Variants in FIP1L1 observed in about 807,000 individuals in gnomAD.
FIP1L1 encodes the protein factor interacting with PAPOLA and CPSF1.
In FIP1L1, 21 loss-of-function variants were observed where a neutral mutation model predicts 84.6. That is an observed-to-expected ratio of 0.25 (90% CI 0.18 to 0.36). The LOEUF (loss-of-function observed/expected upper bound fraction) is 0.36. Ranked by LOEUF, FIP1L1 falls within the 10% of genes least tolerant of loss-of-function variation. The pLI, the probability that FIP1L1 is intolerant of heterozygous loss-of-function variation, is 1.00. For synonymous variants in FIP1L1, 263 were observed against 242.3 expected (o/e 1.09, Z -0.80); for missense variants, 526 against 751.1 (o/e 0.70, Z 3.50).
chr4:53,442,417 G>A (rs1261639312), intron 13 of FIP1L1: 4 of 422,844 alleles, frequency 9.5e-6, no homozygotes, highest in Non-Finnish European at 1.7e-5. Flanking sequence ...AAATAAGACC[G>A]GTGTCCTGAC....
In FIP1L1 at chr4:53,405,930, G is replaced by A. The variant is rs1477896831; in HGVS notation, c.815+6091G>A. Reference sequence around the variant, plus strand: ...TGGGCTGAGACAATGGGGTGTTCTAGATATACAATCACGTCATCTGCAAAC... The same window carrying A: ...TGGGCTGAGACAATGGGGTGTTCTAAATATACAATCACGTCATCTGCAAAC... On this transcript the variant is annotated intron_variant, in intron 10 of 17. Transcript: ENST00000337488. Among the ~76,000 whole-genome samples, 5 of 152,072 alleles carry A rather than the reference G, an allele frequency of 3.3e-5. No individual in the cohort carries two copies. The East Asian group carries it at 9.6e-4, about 29-fold the overall frequency.
intron 9 of FIP1L1, among the ~76,000 whole-genome samples, chr4:53,392,842 T>C (rs1177583016): frequency 1.3e-5 from 2 of 152,100 alleles, no homozygotes; most frequent in East Asian, 1.9e-4. Flanking sequence ...TGAGAGGAGG[T>C]CATAGAGTAT....
intron 10 of FIP1L1, among the ~76,000 whole-genome samples, chr4:53,406,270 G>A (rs1195468033): frequency 6.6e-6 from 1 of 151,668 alleles, no homozygotes; most frequent in Admixed American, 6.6e-5. Context: ...TGAGATAATC[G>A]TGGTTTTTGT....
Position 53,398,616 on chromosome 4 carries a change from C to T in FIP1L1, c.706-1114C>T, listed in dbSNP as rs1344918861. On this transcript the variant is annotated intron_variant, in intron 9 of 17. Transcript: ENST00000337488. ...GAATTTAAATAGAATTTAAGTAGAA[C>T]ATAAAATATGGTGTGATATTATTTA... Among the ~76,000 whole-genome samples the T allele has an allele frequency of 2.0e-5, 3 of 150,664 alleles. No individual in the cohort carries two copies. In the Admixed American group the frequency reaches 2.0e-4, roughly 10 times the overall value.
chr4:53,432,064 T>C (rs1319332091), intron 13 of FIP1L1, among the ~76,000 whole-genome samples: 1 of 152,036 alleles, frequency 6.6e-6, no homozygotes, highest in Non-Finnish European at 1.5e-5. Context: ...CAAAAGCATT[T>C]ATCGTGGTTC....
intron 5 of FIP1L1, among the ~76,000 whole-genome samples, chr4:53,386,497 C>T (rs916981026): frequency 1.3e-5 from 2 of 152,038 alleles, no homozygotes; most frequent in Non-Finnish European, 2.9e-5. Flanking sequence ...AACATAAGTG[C>T]TAGAATAGAA....
chr4:53,414,470 A>T, intron 10 of FIP1L1, 145 bp from the exon 11 acceptor site: 1 of 535,852 alleles, frequency 1.9e-6, no homozygotes, highest in East Asian at 3.0e-5. Context: ...TACCACAGCA[A>T]GTAGTTTATA....
At chr4:53,393,071 T>C (rs1270200587) in intron 9 of FIP1L1, among the ~76,000 whole-genome samples, 1 of 152,184 alleles carries the variant, frequency 6.6e-6, no homozygotes, top group Non-Finnish European at 1.5e-5. Context: ...GAGCAGGACA[T>C]TGATTTTAAA....
rs552174985 is a variant in FIP1L1, at chr4:53,402,488, G to C, written c.815+2649G>C. ...AGGCTGAGATGGGCAGATCTGTTGA[G>C]GGCAGGAGTTTGAGACCAGCCTTGC... On this transcript the variant is annotated intron_variant, in intron 10 of 17. Transcript: ENST00000337488. Among the ~76,000 whole-genome samples, 6 of 152,250 alleles carry C rather than the reference G, an allele frequency of 3.9e-5. No homozygotes were observed. In the South Asian group the frequency reaches 1.2e-3, roughly 32 times the overall value.
At chr4:53,389,351 G>A (rs1252549968) in intron 5 of FIP1L1, among the ~76,000 whole-genome samples, 1 of 152,100 alleles carries the variant, frequency 6.6e-6, no homozygotes, top group Non-Finnish European at 1.5e-5. Flanking sequence ...GAAGACAAGG[G>A]GTGTAAACTA....
At chr4:53,416,816 T>C (rs1163176394) in intron 11 of FIP1L1, among the ~76,000 whole-genome samples, 2 of 151,892 alleles carry the variant, frequency 1.3e-5, no homozygotes, top group Admixed American at 6.6e-5. Context: ...ATACAAAAAT[T>C]AGCCAGGCAT....
intron 13 of FIP1L1, among the ~76,000 whole-genome samples, chr4:53,431,577 T>C (rs1766678411): frequency 6.6e-6 from 1 of 150,684 alleles, no homozygotes; most frequent in Admixed American, 6.7e-5. Context: ...AGTAATGATA[T>C]TTTATTCTCA....
chr4:53,396,717 T>C (rs1197040702), intron 9 of FIP1L1, among the ~76,000 whole-genome samples: 9 of 152,214 alleles, frequency 5.9e-5, no homozygotes, highest in Non-Finnish European at 1.3e-4. Context: ...AATTAGAATC[T>C]TATGCTTTCT....
At chr4:53,457,143 A>T (rs1265929663) in intron 16 of FIP1L1, among the ~76,000 whole-genome samples, 1 of 152,140 alleles carries the variant, frequency 6.6e-6, no homozygotes, top group Non-Finnish European at 1.5e-5. Context: ...AAATGTTGTC[A>T]GTTCTGTAAG....
chr4:53,439,095 T>G lies in FIP1L1; in HGVS notation c.1175-3558T>G, dbSNP rs142715570. Among the ~76,000 whole-genome samples the G allele has an allele frequency of 9.4e-3, 1,432 of 152,244 alleles. 21 individuals carry two copies. Among genetic ancestry groups the G allele is most frequent in the African/African-American group, 0.033 (1,367 of 41,556 alleles). Reference sequence around the variant, plus strand: ...AAGTTAAGTAGTGTCCGTATTGTTCTAAAGAAAATTAGGTTGTAGTATATA... The same window carrying G: ...AAGTTAAGTAGTGTCCGTATTGTTCGAAAGAAAATTAGGTTGTAGTATATA... On this transcript the variant is annotated intron_variant, in intron 13 of 17. Transcript: ENST00000337488.
chr4:53,399,080 G>A (rs998737641), intron 9 of FIP1L1, among the ~76,000 whole-genome samples: 2 of 152,172 alleles, frequency 1.3e-5, no homozygotes, highest in African/African-American at 4.8e-5. Context: ...TTTAACCCAG[G>A]AGGTGGAGGC....
intron 13 of FIP1L1, among the ~76,000 whole-genome samples, chr4:53,431,281 T>C (rs1255120309): frequency 3.3e-5 from 5 of 152,190 alleles, no homozygotes; most frequent in Non-Finnish European, 2.9e-5. Context: ...AACCACATGA[T>C]TACACTATGT....
In FIP1L1 at chr4:53,460,797, T is replaced by G. The variant is rs549192942; in HGVS notation, c.*1348T>G. 8.9e-7 allele frequency: 1 copy of G among 1,124,604 alleles called. No homozygotes were observed. Among genetic ancestry groups the G allele is most frequent in the South Asian group, 1.6e-5 (1 of 64,134 alleles). 69.7% of individuals were successfully genotyped at this position (1,124,604 alleles called of 1,614,324 possible). ...TAGATGATCATACTTTTCCTGACAT[T>G]TTTACAATGTATTCTTTCTTTAAAT... On this transcript the variant is annotated 3_prime_UTR_variant, in exon 18 of 18. Coordinates refer to ENST00000337488, the MANE Select transcript of FIP1L1 (RefSeq NM_030917.4).
chr4:53,422,632 T>C (rs1762817029), intron 11 of FIP1L1, among the ~76,000 whole-genome samples: 1 of 151,988 alleles, frequency 6.6e-6, no homozygotes, highest in African/African-American at 2.4e-5. Context: ...TTAATCTTAA[T>C]GCACATTAAA....
Sources: allele counts gnomAD v4.1 joint callset (sites outside exome capture counted in the v4.1 genomes callset), GRCh38; gene constraint gnomAD v4.1.1; transcripts MANE v1.5; gene names NCBI Gene and HGNC (gene_info 2026-07-23, HGNC 2026-07-21).